The following ARHGEF7 variants were observed in gnomAD, a reference collection of about 807,000 sequenced individuals.
The protein encoded by ARHGEF7 is Rho guanine nucleotide exchange factor 7.
A neutral mutation model predicts 109.8 loss-of-function variants in ARHGEF7; 33 were observed. The observed-to-expected ratio is 0.30, with a 90% CI of 0.23 to 0.40. ARHGEF7 has a LOEUF of 0.40. ARHGEF7 is among the 10% of genes least tolerant of loss of function. The pLI, the probability that ARHGEF7 is intolerant of heterozygous loss-of-function variation, is 1.00. For synonymous variants in ARHGEF7, 458 were observed against 424.6 expected (o/e 1.08, Z -0.97); for missense variants, 938 against 1,098.5 (o/e 0.85, Z 2.07).
chr13:111,298,706 G>A (rs1171783882), intron 19 of ARHGEF7, among the ~76,000 whole-genome samples: 5 of 152,234 alleles, frequency 3.3e-5, no homozygotes, highest in Admixed American at 6.5e-5. Flanking sequence ...CCGTGTGTGT[G>A]GGTGGGTGGA....
intron 5 of ARHGEF7, among the ~76,000 whole-genome samples, chr13:111,218,776 T>C (rs955208640): frequency 2.0e-5 from 3 of 152,196 alleles, no homozygotes; most frequent in African/African-American, 7.2e-5. Context: ...AGGTTTATAC[T>C]ATGTGTATGG....
chr13:111,185,718 C>A (rs1334599635), intron 2 of ARHGEF7, among the ~76,000 whole-genome samples: 1 of 152,226 alleles, frequency 6.6e-6, no homozygotes, highest in Non-Finnish European at 1.5e-5. Context: ...CAGTCGAAGA[C>A]AGAAGTTTGG....
At chr13:111,193,694 G>A (rs1280661350) in intron 2 of ARHGEF7, among the ~76,000 whole-genome samples, 1 of 152,220 alleles carries the variant, frequency 6.6e-6, no homozygotes, top group Non-Finnish European at 1.5e-5. Context: ...TTACTTTCAA[G>A]TGTCGTTACA....
At chr13:111,187,817 C>T (rs745890550) in intron 2 of ARHGEF7, among the ~76,000 whole-genome samples, 8 of 152,140 alleles carry the variant, frequency 5.3e-5, no homozygotes, top group Non-Finnish European at 1.0e-4. Flanking sequence ...AACTTTTGTC[C>T]GCTAGGCAGA....
intron 1 of ARHGEF7, among the ~76,000 whole-genome samples, chr13:111,132,505 A>G (rs896252563): frequency 2.0e-5 from 3 of 152,188 alleles, no homozygotes; most frequent in Admixed American, 6.5e-5. Flanking sequence ...AGGGAAGTCA[A>G]TGTATAAGTT....
At chr13:111,128,009 G>A (rs896870787) in intron 1 of ARHGEF7, among the ~76,000 whole-genome samples, 3 of 152,166 alleles carry the variant, frequency 2.0e-5, no homozygotes, top group Non-Finnish European at 4.4e-5. Flanking sequence ...CCAATCCAAC[G>A]TAAACTCTTG....
At chr13:111,220,175 G>C (rs1046497734) in intron 5 of ARHGEF7, among the ~76,000 whole-genome samples, 2 of 152,224 alleles carry the variant, frequency 1.3e-5, no homozygotes, top group South Asian at 4.1e-4. Flanking sequence ...GCCCTGGGCC[G>C]AGAGGCCTGA....
In ARHGEF7 at chr13:111,153,223, A is replaced by C. The variant is rs1037099016; in HGVS notation, c.166-682A>C. Among the ~76,000 whole-genome samples the C allele has an allele frequency of 5.2e-5, 8 of 152,382 alleles. 1 individual carries two copies. In the South Asian group the frequency reaches 1.7e-3, roughly 32 times the overall value. ...AATCCCAGGTTCTCTCCCAACGATC[A>C]GGGGTTACTCAAGCCGCCCGAGTTC... On this transcript the variant is annotated intron_variant, in intron 1 of 21. Transcript: ENST00000646102.
intron 17 of ARHGEF7, 43 bp from the exon 18 acceptor site, chr13:111,288,308 AGAG>A: frequency 7.1e-7 from 1 of 1,398,612 alleles, no homozygotes; most frequent in African/African-American, 1.4e-5. Flanking sequence ...CAGTTGCCCT[AGAG>A]GCCTTTCAGT....
chr13:111,243,761 A>G lies in ARHGEF7; in HGVS notation c.760-111A>G, dbSNP rs1460260931. On this transcript the variant is annotated intron_variant, in intron 6 of 21. Transcript: ENST00000646102. ...GATACTCAACACTTTAGTATTACAT[A>G]GAAGTAACAGTGTGAATTGAACAAT... The G allele has an allele frequency of 9.0e-6, 6 of 667,642 alleles. No homozygotes were observed. The African/African-American group carries it at 1.1e-4, about 12-fold the overall frequency. The allele number at this position is 667,642 out of a possible 1,614,324, so 41.4% of individuals were successfully genotyped here.
chr13:111,116,643 G>T (rs1166488058), intron 1 of ARHGEF7: 1 of 152,186 alleles, frequency 6.6e-6, no homozygotes, highest in Non-Finnish European at 1.5e-5. Flanking sequence ...AGAAATTGAA[G>T]TGTACCATAA....
chr13:111,200,207 C>G (rs995218572), intron 2 of ARHGEF7, among the ~76,000 whole-genome samples: 3 of 152,134 alleles, frequency 2.0e-5, no homozygotes, highest in African/African-American at 7.2e-5. Context: ...AGCCCAGTGC[C>G]CTCCCTGCTG....
intron 5 of ARHGEF7, among the ~76,000 whole-genome samples, chr13:111,224,854 C>G (rs752119656): frequency 6.6e-6 from 1 of 152,178 alleles, no homozygotes; most frequent in East Asian, 1.9e-4. Context: ...CCTTCCTCCT[C>G]TCCGGTGAGG....
Position 111,288,757 on chromosome 13 carries a change from A to G in ARHGEF7, c.2134+314A>G, listed in dbSNP as rs114623194. The stretch of plus-strand genomic sequence containing the variant: ...TGCTAAGAGAAGACGTGTTTAGAAG[A>G]TAGTGGAAGATTAGTTCAGTTATTT... On this transcript the variant is annotated intron_variant, in intron 18 of 21. Coordinates refer to ENST00000646102, the MANE Select transcript of ARHGEF7 (RefSeq NM_001354046.2). Among the ~76,000 whole-genome samples, 1,410 of 152,352 alleles carry G rather than the reference A, an allele frequency of 9.3e-3. 21 individuals carry two copies. Among genetic ancestry groups the G allele is most frequent in the African/African-American group, 0.032 (1,329 of 41,580 alleles).
chr13:111,246,611 C>T (rs568696887), intron 8 of ARHGEF7, among the ~76,000 whole-genome samples: 1 of 152,306 alleles, frequency 6.6e-6, no homozygotes, highest in South Asian at 2.1e-4. Flanking sequence ...AACCCATCTG[C>T]AGGCCATTGT....
intron 8 of ARHGEF7, among the ~76,000 whole-genome samples, chr13:111,265,994 A>G (rs534119569): frequency 6.6e-6 from 1 of 152,228 alleles, no homozygotes. Flanking sequence ...CAGTGTCCCC[A>G]TGAGTTGTAG....
chr13:111,134,257 G>A (rs1054435554), intron 1 of ARHGEF7, among the ~76,000 whole-genome samples: 1 of 152,178 alleles, frequency 6.6e-6, no homozygotes, highest in Non-Finnish European at 1.5e-5. Flanking sequence ...AAACATACGT[G>A]TGCATGTGTC....
chr13:111,303,193 A>C lies in ARHGEF7; in HGVS notation c.*80A>C. 5.4e-5 allele frequency: 41 copies of C among 763,830 alleles called. No homozygotes were observed. Among genetic ancestry groups the C allele is most frequent in the Non-Finnish European group, 6.9e-5 (35 of 509,374 alleles). 47.3% of individuals were successfully genotyped at this position (763,830 alleles called of 1,614,324 possible). On this transcript the variant is annotated 3_prime_UTR_variant, in exon 22 of 22. Coordinates refer to ENST00000646102, the MANE Select transcript of ARHGEF7 (RefSeq NM_001354046.2). ...CCCTGACCCAAGTCGGGGTGCACTC[A>C]GGACCACAGGGCAGGGCTGGGTGGG...
intron 14 of ARHGEF7, 83 bp from the exon 15 acceptor site, chr13:111,280,454 GC>G: frequency 1.3e-6 from 2 of 1,581,840 alleles, no homozygotes; most frequent in South Asian, 2.3e-5. Context: ...GTGTTTAAGC[GC>G]TGAGTGGAAT....
Sources: gnomAD v4.1 joint callset for allele counts (sites outside exome capture counted in the v4.1 genomes callset) on GRCh38, gnomAD v4.1.1 for gene constraint, MANE v1.5 for transcripts, NCBI Gene and HGNC (gene_info 2026-07-23, HGNC 2026-07-21) for gene names.